The following SAMMSON variants were observed in gnomAD, a reference collection of about 807,000 sequenced individuals.
SAMMSON encodes survival associated mitochondrial melanoma specific oncogenic non-coding RNA, also known as long intergenic non-protein coding RNA 1212.
intron 4 of SAMMSON, among the ~76,000 whole-genome samples, chr3:70,129,913 TTGATATA>T (rs1248861274): frequency 6.6e-6 from 1 of 152,224 alleles, no homozygotes; most frequent in African/African-American, 2.4e-5. Flanking sequence ...ACATGATGTT[TTGATATA>T]CTTTATACAT....
At chr3:70,424,087 G>A (rs1701334805) in intron 2 of SAMMSON, among the ~76,000 whole-genome samples, 1 of 152,096 alleles carries the variant, frequency 6.6e-6, no homozygotes, top group African/African-American at 2.4e-5. Flanking sequence ...TTTCCATTGT[G>A]TAGAAAAGAT....
intron 4 of SAMMSON, among the ~76,000 whole-genome samples, chr3:70,133,059 C>A (rs138843773): frequency 4.6e-4 from 70 of 152,196 alleles, no homozygotes; most frequent in Middle Eastern, 3.4e-3. Context: ...CTTCCAACCC[C>A]CATTTTCTAG....
At chr3:70,285,330 A>G (rs1333032696) in intron 6 of SAMMSON, among the ~76,000 whole-genome samples, 1 of 151,212 alleles carries the variant, frequency 6.6e-6, no homozygotes, top group Non-Finnish European at 1.5e-5. Context: ...TTCTTGCGAT[A>G]GTTTACTGAG....
chr3:70,268,544 C>T (rs1701945770), intron 6 of SAMMSON, among the ~76,000 whole-genome samples: 1 of 150,946 alleles, frequency 6.6e-6, no homozygotes, highest in African/African-American at 2.4e-5. Flanking sequence ...CCTACACTGA[C>T]ACATCAACAC....
chr3:70,314,242 A>G (rs1239674115), intron 7 of SAMMSON, among the ~76,000 whole-genome samples: 2 of 152,184 alleles, frequency 1.3e-5, no homozygotes, highest in Admixed American at 6.5e-5. Context: ...AGTGTTTAAC[A>G]TGATTGCCCA....
At chr3:70,216,383 A>G (rs928747656) in intron 4 of SAMMSON, among the ~76,000 whole-genome samples, 3 of 151,668 alleles carry the variant, frequency 2.0e-5, no homozygotes, top group Non-Finnish European at 2.9e-5. Context: ...AGAGTTTTGC[A>G]TATATTAACC....
chr3:70,285,804 T>G lies in SAMMSON; in HGVS notation n.675-5375T>G, dbSNP rs1393938691. ...GGTTTTGATTTGCATTTCTCTGATG[T>G]CCAGTGATGAGGAGCATTTAATCAT... On this transcript the variant is annotated intron_variant and non_coding_transcript_variant, in intron 6 of 9. Coordinates refer to ENST00000642114, the Ensembl canonical transcript of SAMMSON. Among the ~76,000 whole-genome samples the G allele has an allele frequency of 4.1e-3, 584 of 142,930 alleles. 1 individual carries two copies. The highest frequency in any genetic ancestry group is 0.012 in the South Asian group (50 of 4,272). 93.8% of individuals were successfully genotyped at this position (142,930 alleles called of 152,430 possible). A position where few individuals can be genotyped will look rare whatever the true frequency, so the allele number is the denominator to read the frequency against.
intron 7 of SAMMSON, among the ~76,000 whole-genome samples, chr3:70,326,478 T>C (rs190397928): frequency 9.9e-5 from 15 of 152,264 alleles, no homozygotes; most frequent in African/African-American, 3.6e-4. Flanking sequence ...GCAGTTATTA[T>C]TGTTGTTGTG....
At chr3:70,314,487 A>G (rs1024763068) in intron 7 of SAMMSON, among the ~76,000 whole-genome samples, 6 of 152,150 alleles carry the variant, frequency 3.9e-5, no homozygotes, top group African/African-American at 1.4e-4. Flanking sequence ...AACTTTACAT[A>G]TTAGTGGGGC....
chr3:70,096,861 T>C (rs1392356260), intron 4 of SAMMSON, among the ~76,000 whole-genome samples: 1 of 152,200 alleles, frequency 6.6e-6, no homozygotes, highest in African/African-American at 2.4e-5. Context: ...TAAAGAACTA[T>C]GAGGTGTTGA....
chr3:70,399,767 C>T (rs1478047856), intron 2 of SAMMSON, among the ~76,000 whole-genome samples: 3 of 149,852 alleles, frequency 2.0e-5, no homozygotes, highest in African/African-American at 4.9e-5. Flanking sequence ...CTACTCTACT[C>T]GGGAGGCAGC....
chr3:70,223,850 A>T (rs1193760814), intron 4 of SAMMSON, among the ~76,000 whole-genome samples: 1 of 151,902 alleles, frequency 6.6e-6, no homozygotes, highest in African/African-American at 2.4e-5. Context: ...ACCCTTTTAG[A>T]CTTAATCTTT....
intron 3 of SAMMSON, among the ~76,000 whole-genome samples, chr3:70,062,942 C>A (rs1349878698): frequency 6.6e-6 from 1 of 152,058 alleles, no homozygotes; most frequent in Non-Finnish European, 1.5e-5. Context: ...TACAGTATTC[C>A]AAAAATTTAC....
At chr3:70,148,364 G>A (rs2067557557) in intron 4 of SAMMSON, among the ~76,000 whole-genome samples, 1 of 152,098 alleles carries the variant, frequency 6.6e-6, no homozygotes, top group Non-Finnish European at 1.5e-5. Flanking sequence ...GTTTTGTCAT[G>A]AAAGGTAATT....
intron 7 of SAMMSON, among the ~76,000 whole-genome samples, chr3:70,318,178 G>T (rs1702508361): frequency 6.6e-6 from 1 of 151,764 alleles, no homozygotes; most frequent in Non-Finnish European, 1.5e-5. Context: ...TAGAACACTT[G>T]GCCCATCATT....
At chr3:70,101,332 A>T (rs1335619734) in intron 4 of SAMMSON, among the ~76,000 whole-genome samples, 1 of 152,136 alleles carries the variant, frequency 6.6e-6, no homozygotes, top group Non-Finnish European at 1.5e-5. Flanking sequence ...AGGTACTTAT[A>T]ATTACTTATT....
intron 8 of SAMMSON, among the ~76,000 whole-genome samples, chr3:70,356,564 G>A (rs1227530690): frequency 6.6e-6 from 1 of 152,118 alleles, no homozygotes. Flanking sequence ...ACTGAGAGAT[G>A]TCAGCTCCTT....
At chr3:70,292,737 A>G (rs1007193026) in intron 7 of SAMMSON, among the ~76,000 whole-genome samples, 32 of 152,092 alleles carry the variant, frequency 2.1e-4, no homozygotes, top group Non-Finnish European at 3.4e-4. Flanking sequence ...TCACACACAC[A>G]CACATGCACA....
At chr3:70,380,449 T>G (rs1703055798) in intron 9 of SAMMSON, among the ~76,000 whole-genome samples, 1 of 152,194 alleles carries the variant, frequency 6.6e-6, no homozygotes, top group South Asian at 2.1e-4. Context: ...TTTTGTGCAC[T>G]AAAAAGCCCC....
Sources: allele counts gnomAD v4.1 joint callset (sites outside exome capture counted in the v4.1 genomes callset), GRCh38; gene constraint gnomAD v4.1.1; transcripts MANE v1.5; gene names NCBI Gene and HGNC (gene_info 2026-07-23, HGNC 2026-07-21).